WIPI2: variants seen among roughly 807,000 people sequenced by gnomAD.
WIPI2 encodes WD repeat domain, phosphoinositide interacting 2.
In WIPI2, 28 loss-of-function variants were observed where a neutral mutation model predicts 52.3. The ratio of observed to expected loss-of-function variants is 0.54; its 90% CI spans 0.40 to 0.73. The LOEUF (loss-of-function observed/expected upper bound fraction) is 0.73. Ranked by LOEUF, WIPI2 falls within the 30% of genes least tolerant of loss-of-function variation. The pLI, the probability that WIPI2 is intolerant of heterozygous loss-of-function variation, is 0.00. For synonymous variants in WIPI2, 268 were observed against 245.0 expected (o/e 1.09, Z -0.88); for missense variants, 506 against 602.9 (o/e 0.84, Z 1.68).
chr7:5,231,955 A>G lies in WIPI2; in HGVS notation c.*1008A>G, dbSNP rs906704013. ...TTCACAGGGCGTCATGTGCCTTTCT[A>G]TTTTCATCTTAGAAAATTTCCTCAG... On this transcript the variant is annotated 3_prime_UTR_variant, in exon 13 of 13. Coordinates refer to ENST00000288828, the MANE Select transcript of WIPI2 (RefSeq NM_015610.4). 7.4e-5 allele frequency: 28 copies of G among 376,834 alleles called. No individual in the cohort carries two copies. The highest frequency in any genetic ancestry group is 6.7e-4 in the Middle Eastern group (1 of 1,492). The allele number at this position is 376,834 out of a possible 1,614,324, so 23.3% of individuals were successfully genotyped here.
chr7:5,193,929 G>C (rs1473261134), intron 2 of WIPI2, among the ~76,000 whole-genome samples: 1 of 152,182 alleles, frequency 6.6e-6, no homozygotes, highest in Non-Finnish European at 1.5e-5. Context: ...AATTCTGCCT[G>C]CTATGCAAAG....
At chr7:5,217,862 G>A in intron 6 of WIPI2, 60 bp from the exon 7 acceptor site, 1 of 1,573,380 alleles carries the variant, frequency 6.4e-7, no homozygotes, top group Non-Finnish European at 8.7e-7. Flanking sequence ...CCAAGTGTCA[G>A]CCCTGGGGCG....
chr7:5,206,818 G>T (rs1782318309), intron 3 of WIPI2, among the ~76,000 whole-genome samples: 1 of 152,076 alleles, frequency 6.6e-6, no homozygotes, highest in Non-Finnish European at 1.5e-5. Flanking sequence ...CACCCAGGCT[G>T]CCAGGCTGGA....
At chr7:5,222,938 G>C in intron 8 of WIPI2, 1 of 408,658 alleles carries the variant, frequency 2.4e-6, no homozygotes, top group Non-Finnish European at 4.5e-6. Context: ...GGGCCCTCCA[G>C]TGCCCGGCAG....
At chr7:5,200,306 A>C (rs1209420189) in intron 3 of WIPI2, among the ~76,000 whole-genome samples, 8 of 152,178 alleles carry the variant, frequency 5.3e-5, no homozygotes, top group Admixed American at 5.2e-4. Flanking sequence ...CCTGTGATGG[A>C]GACTGTGACT....
intron 8 of WIPI2, among the ~76,000 whole-genome samples, chr7:5,225,181 C>T (rs1340561220): frequency 1.3e-5 from 2 of 151,782 alleles, no homozygotes; most frequent in South Asian, 2.1e-4. Context: ...CACTCTGTCG[C>T]CCAGGCTGGA....
In WIPI2 at chr7:5,230,868, C is replaced by A. The variant is rs1284906628; in HGVS notation, c.1286C>A (p.Ala429Asp). The A allele has an allele frequency of 1.5e-5, 25 of 1,613,846 alleles. No homozygotes were observed. The highest frequency in any genetic ancestry group is 2.0e-5 in the Non-Finnish European group (24 of 1,179,888). The change falls in exon 13 of 13, where the codon GCC becomes GAC. Residue 429 changes from alanine to aspartate, a missense_variant. Ala to Asp is a moderately radical substitution (Grantham distance 126). Coordinates refer to ENST00000288828, the MANE Select transcript of WIPI2 (RefSeq NM_015610.4). The surrounding 1 kb of genome is among the most constrained non-coding windows in gnomAD (Gnocchi z 4.8). ...YTDDLGAVGGACLEDEASALR... is the reference protein window; with the variant it reads ...YTDDLGAVGGDCLEDEASALR... ...GACGACCTGGGTGCTGTGGGTGGCG[C>A]CTGCCTGGAGGACGAGGCCAGCGCC...
chr7:5,202,604 T>A (rs1282471151), intron 3 of WIPI2, among the ~76,000 whole-genome samples: 1 of 151,876 alleles, frequency 6.6e-6, no homozygotes, highest in Non-Finnish European at 1.5e-5. Context: ...CAGGCTGGTC[T>A]TGAACTCCTG....
chr7:5,230,663 G>A lies in WIPI2; in HGVS notation c.1253-172G>A, dbSNP rs749319243. On this transcript the variant is annotated intron_variant, in intron 12 of 12. Transcript: ENST00000288828. This position sits in a 1 kb window ranked among gnomAD's most constrained non-coding sequence, Gnocchi z 4.8. ...AGAACAAATGACTTCATCTCGAGCT[G>A]CCTAAGGCTGCAAAGAGTTCATTAG... Among the ~76,000 whole-genome samples the A allele has an allele frequency of 1.3e-5, 2 of 152,218 alleles. No individual in the cohort carries two copies. Among genetic ancestry groups the A allele is most frequent in the African/African-American group, 2.4e-5 (1 of 41,460 alleles).
At position 5,220,243 on chromosome 7, in the gene WIPI2, C is replaced by CT. The variant is rs11318842; in HGVS notation, c.669+2244dup. Among the ~76,000 whole-genome samples the CT allele has an allele frequency of 3.9e-3, 498 of 128,966 alleles. 7 individuals are homozygous for CT. The highest frequency in any genetic ancestry group is 0.012 in the Middle Eastern group (3 of 244). The allele number at this position is 128,966 out of a possible 152,430, so 84.6% of individuals were successfully genotyped here. A position where few individuals can be genotyped will look rare whatever the true frequency, so the allele number is the denominator to read the frequency against. On this transcript the variant is annotated intron_variant, in intron 7 of 12. Coordinates refer to ENST00000288828, the MANE Select transcript of WIPI2 (RefSeq NM_015610.4). ...CACTTAGGTCATCTGCTGCTTTTTGCTTTTTTTTTTTTTTTGAAACGGAGT... is the reference window on the plus strand; with the variant it reads ...CACTTAGGTCATCTGCTGCTTTTTGCTTTTTTTTTTTTTTTTGAAACGGAGT...
At chr7:5,201,433 T>C (rs1422723684) in intron 3 of WIPI2, among the ~76,000 whole-genome samples, 1 of 152,322 alleles carries the variant, frequency 6.6e-6, no homozygotes, top group African/African-American at 2.4e-5. Context: ...AAATGGGATG[T>C]CTTGATAGTA....
At chr7:5,191,234 C>G (rs1282417787) in intron 1 of WIPI2, among the ~76,000 whole-genome samples, 1 of 152,116 alleles carries the variant, frequency 6.6e-6, no homozygotes, top group Non-Finnish European at 1.5e-5. Flanking sequence ...GTTGGTCAGG[C>G]TGGTCTCAAA....
At chr7:5,219,423 T>C (rs1412702459) in intron 7 of WIPI2, among the ~76,000 whole-genome samples, 2 of 149,548 alleles carry the variant, frequency 1.3e-5, no homozygotes, top group Non-Finnish European at 3.0e-5. Context: ...CCAAAAGTAC[T>C]TGATGGAATT....
chr7:5,200,451 C>T (rs1305624389), intron 3 of WIPI2, among the ~76,000 whole-genome samples: 3 of 152,166 alleles, frequency 2.0e-5, no homozygotes, highest in Non-Finnish European at 4.4e-5. Flanking sequence ...CGCAAAGCCC[C>T]AGTGTAATAT....
In WIPI2 at chr7:5,214,627, T is replaced by G; in HGVS notation, c.304T>G (p.Cys102Gly). The change falls in exon 4 of 13, where the codon TGC becomes GGC. Residue 102 changes from cysteine to glycine, a missense_variant. Coordinates refer to ENST00000288828, the MANE Select transcript of WIPI2 (RefSeq NM_015610.4). ...SLKAPRKLKV[C>G]HFKKGTEICN... ...TAAAGCACCAAGGAAGCTAAAGGTT[T>G]GCCACTTTAAGAAGGGAACTGAGAT... is the stretch of plus-strand genomic sequence containing the variant. 6.2e-7 allele frequency: 1 copy of G among 1,614,206 alleles called. No homozygotes were observed. The highest frequency in any genetic ancestry group is 8.5e-7 in the Non-Finnish European group (1 of 1,180,036).
Position 5,227,759 on chromosome 7 carries a change from G to A in WIPI2, c.1014-345G>A, listed in dbSNP as rs6959109. On this transcript the variant is annotated intron_variant, in intron 10 of 12. Coordinates refer to ENST00000288828, the MANE Select transcript of WIPI2 (RefSeq NM_015610.4). The surrounding 1 kb of genome is among the most constrained non-coding windows in gnomAD (Gnocchi z 8.1). Reference sequence around the variant, plus strand: ...GGGAAAGATTGTCATTACACCCAGTGATGGCAGGGCTTTGGGCTTCCGTGC... The same window carrying A: ...GGGAAAGATTGTCATTACACCCAGTAATGGCAGGGCTTTGGGCTTCCGTGC... Among the ~76,000 whole-genome samples the A allele has an allele frequency of 9.2e-3, 1,406 of 152,316 alleles. 27 individuals carry two copies. The highest frequency in any genetic ancestry group is 0.032 in the African/African-American group (1,348 of 41,560).
chr7:5,209,107 A>G (rs1388387889), intron 3 of WIPI2, among the ~76,000 whole-genome samples: 1 of 150,250 alleles, frequency 6.7e-6, no homozygotes, highest in South Asian at 2.1e-4. Context: ...ATAAAAGAAA[A>G]TTATTTCACT....
At chr7:5,218,371 CAG>C (rs771156253) in intron 7 of WIPI2, 8 of 200,674 alleles carry the variant, frequency 4.0e-5, no homozygotes, top group Non-Finnish European at 7.2e-5. Flanking sequence ...AAAGCAAAGA[CAG>C]AATTCTATCC....
At position 5,227,736 on chromosome 7, in the gene WIPI2, G is replaced by T. The variant is rs13247871; in HGVS notation, c.1014-368G>T. On this transcript the variant is annotated intron_variant, in intron 10 of 12. Transcript: ENST00000288828. This position sits in a 1 kb window ranked among gnomAD's most constrained non-coding sequence, Gnocchi z 8.1. ...TGTGGAGGTTCTGTGCTGCGTGCGG[G>T]AAAGATTGTCATTACACCCAGTGAT... Among the ~76,000 whole-genome samples the T allele has an allele frequency of 0.046, 7,080 of 152,298 alleles. 203 individuals are homozygous for T. The highest frequency in any genetic ancestry group is 0.071 in the Non-Finnish European group (4,801 of 68,020).
Sources: allele counts gnomAD v4.1 joint callset (sites outside exome capture counted in the v4.1 genomes callset), GRCh38; gene constraint gnomAD v4.1.1; non-coding constraint Gnocchi (gnomAD v3.1); transcripts MANE v1.5; gene names NCBI Gene and HGNC (gene_info 2026-07-23, HGNC 2026-07-21).